The following MRPL34 variants were observed in gnomAD, a reference collection of about 807,000 sequenced individuals.
MRPL34 encodes mitochondrial ribosomal protein L34.
Under a neutral mutation model 6.7 loss-of-function variants are expected in MRPL34, and 8 were observed. The ratio of observed to expected loss-of-function variants is 1.20; its 90% CI spans 0.70 to 2.16. The LOEUF is 2.16. Among genes scored for constraint, MRPL34 ranks in the 30% most tolerant of loss-of-function variants. The pLI is 0.00. For synonymous variants in MRPL34, 59 were observed against 55.1 expected (o/e 1.07, Z -0.31); for missense variants, 146 against 125.5 (o/e 1.16, Z -0.78).
upstream of MRPL34, among the ~76,000 whole-genome samples, chr19:17,304,039 A>G (rs2074134651): frequency 6.6e-6 from 1 of 151,954 alleles, no homozygotes; most frequent in Non-Finnish European, 1.5e-5. Flanking sequence ...GCATCAAGCA[A>G]TCCTCTCGTC....
intron 1 of MRPL34, among the ~76,000 whole-genome samples, chr19:17,297,390 G>C (rs1344852538): frequency 3.3e-5 from 5 of 152,008 alleles, no homozygotes; most frequent in Non-Finnish European, 7.4e-5. Context: ...CCACCTCATG[G>C]GTTCGAATGA....
Position 17,306,320 on chromosome 19 carries a change from G to C in MRPL34, c.220G>C (p.Ala74Pro). Residue 74 changes from alanine to proline, a missense_variant, in exon 2 of 2, where the codon GCC becomes CCC. Physicochemically the swap from Ala to Pro is conservative, Grantham distance 27 (BLOSUM62 -1). Coordinates refer to ENST00000252602, the MANE Select transcript of MRPL34 (RefSeq NM_023937.4). ...HGWVRRLSTP[A>P]GVQVILRRML... Reference sequence around the variant, plus strand: ...CTGGGTCCGGCGCCTGAGCACGCCGGCCGGCGTGCAGGTCATCCTTCGCCG... The same window carrying C: ...CTGGGTCCGGCGCCTGAGCACGCCGCCCGGCGTGCAGGTCATCCTTCGCCG... 6.2e-7 allele frequency: 1 copy of C among 1,610,334 alleles called. No homozygotes were observed. Among genetic ancestry groups the C allele is most frequent in the Non-Finnish European group, 8.5e-7 (1 of 1,179,248 alleles).
upstream of MRPL34, chr19:17,305,607 G>A (rs138345679): frequency 1.2e-3 from 558 of 472,014 alleles, 2 homozygotes; most frequent in African/African-American, 9.8e-3. Flanking sequence ...CAGCTCAGCT[G>A]CCAGCTGACC....
chr19:17,303,608 G>C (rs2074132172), upstream of MRPL34: 1 of 152,390 alleles, frequency 6.6e-6, no homozygotes, highest in Admixed American at 6.5e-5. Flanking sequence ...GGGGAGGGAT[G>C]GGGCCTGGCT....
At chr19:17,296,893 C>T (rs2074096374) in intron 1 of MRPL34, among the ~76,000 whole-genome samples, 1 of 152,050 alleles carries the variant, frequency 6.6e-6, no homozygotes, top group African/African-American at 2.4e-5. Context: ...CGGGGTTTCA[C>T]CGTGTTAGTC....
chr19:17,295,579 G>A (rs2074090854), intron 1 of MRPL34, among the ~76,000 whole-genome samples: 1 of 151,532 alleles, frequency 6.6e-6, no homozygotes, highest in African/African-American at 2.4e-5. Flanking sequence ...GCTAATTTTT[G>A]TATTTTTTAG....
intron 1 of MRPL34, chr19:17,294,209 G>A: frequency 1.3e-6 from 2 of 1,495,758 alleles, no homozygotes; most frequent in Non-Finnish European, 1.8e-6. Context: ...GCGCTACCAC[G>A]CCCCCCGCAG....
At chr19:17,294,846 CT>C in intron 1 of MRPL34, 1 of 1,612,860 alleles carries the variant, frequency 6.2e-7, no homozygotes, top group Non-Finnish European at 8.5e-7. Context: ...GAAAGAGACA[CT>C]GCCCGGAACG....
In MRPL34 at chr19:17,295,140, C is replaced by T. The variant is rs1599522652; in HGVS notation, c.214+2286C>T. ...TTGAGACGGAGTCTCGCTCTGTCGC[C>T]CAGGCCGGACTGCGGACTGCAGTGG... On this transcript the variant is annotated intron_variant, in intron 1 of 2. Coordinates refer to the MRPL34 transcript ENST00000595444. 3.7e-5 allele frequency among the ~76,000 whole-genome samples: 5 copies of T among 136,616 alleles called. 1 individual carries two copies. In the Admixed American group the frequency reaches 3.9e-4, roughly 11 times the overall value. The allele number at this position is 136,616 out of a possible 152,430, so 89.6% of individuals were successfully genotyped here.
intron 1 of MRPL34, among the ~76,000 whole-genome samples, chr19:17,294,058 A>G (rs2074082383): frequency 6.6e-6 from 1 of 152,098 alleles, no homozygotes; most frequent in African/African-American, 2.4e-5. Context: ...ACACCTGTCC[A>G]GGGCAGCCCT....
chr19:17,295,120 A>C (rs1319226173), intron 1 of MRPL34, among the ~76,000 whole-genome samples: 1 of 51,038 alleles, frequency 2.0e-5, no homozygotes, highest in Admixed American at 2.3e-4. Flanking sequence ...TTTTTTTGAG[A>C]CGGAGTCTCG....
At chr19:17,303,830 T>C (rs2074133348), upstream of MRPL34, among the ~76,000 whole-genome samples, 1 of 152,102 alleles carries the variant, frequency 6.6e-6, no homozygotes, top group Non-Finnish European at 1.5e-5. Context: ...CTTTTTCCAA[T>C]CTCCGGTGGG....
chr19:17,292,682 C>T (rs1402950798), exon 1 of MRPL34: 1 of 1,611,400 alleles, frequency 6.2e-7, no homozygotes. Context: ...CTTCTGGAGG[C>T]GCCGGCAGTG....
chr19:17,296,007 G>A (rs974931415), intron 1 of MRPL34, among the ~76,000 whole-genome samples: 7 of 151,880 alleles, frequency 4.6e-5, no homozygotes, highest in East Asian at 1.9e-4. Context: ...CGTGACACCC[G>A]GCCTGGTGAG....
At chr19:17,292,608 GCCT>G (rs1162179631) in exon 1 of MRPL34, 19 of 1,539,096 alleles carry the variant, frequency 1.2e-5, no homozygotes, top group Non-Finnish European at 1.6e-5. Flanking sequence ...GCAGGCTCGG[GCCT>G]CCTCCTGCTG....
chr19:17,297,313 C>T (rs1382640206), intron 1 of MRPL34, among the ~76,000 whole-genome samples: 1 of 151,638 alleles, frequency 6.6e-6, no homozygotes, highest in Non-Finnish European at 1.5e-5. Flanking sequence ...GTTTTTTTCT[C>T]GAGACAGAGT....
At chr19:17,300,624 C>T (rs1045964709), upstream of MRPL34, among the ~76,000 whole-genome samples, 3 of 152,158 alleles carry the variant, frequency 2.0e-5, no homozygotes, top group South Asian at 2.1e-4. Context: ...ACTACAGGCG[C>T]GTGCCACCAC....
chr19:17,300,470 G>A (rs752721591), upstream of MRPL34, among the ~76,000 whole-genome samples: 2 of 151,478 alleles, frequency 1.3e-5, no homozygotes, highest in African/African-American at 4.9e-5. Context: ...GCCCCCGAAA[G>A]CACTGGGATT....
At chr19:17,299,512 G>A (rs2145657412), upstream of MRPL34, among the ~76,000 whole-genome samples, 1 of 139,324 alleles carries the variant, frequency 7.2e-6, no homozygotes, top group Middle Eastern at 4.2e-3. Flanking sequence ...AGTGAGCCAG[G>A]ATCACGCCAC....
Sources: gnomAD v4.1 joint callset for allele counts (sites outside exome capture counted in the v4.1 genomes callset) on GRCh38, gnomAD v4.1.1 for gene constraint, MANE v1.5 for transcripts, NCBI Gene and HGNC (gene_info 2026-07-23, HGNC 2026-07-21) for gene names.